Variants in SLC35D4 observed in about 807,000 individuals in gnomAD.
SLC35D4 encodes the protein solute carrier family 35 member D4.
At chr18:23,437,457 C>T in the SLC35D4 span, among the ~76,000 whole-genome samples, 6 of 152,024 alleles carry the variant, frequency 3.9e-5, no homozygotes, top group Non-Finnish European at 7.4e-5. Context: ...CTCTTCCTCC[C>T]CGGGGGAGCA....
At chr18:23,329,929 T>A in the SLC35D4 span, among the ~76,000 whole-genome samples, 1 of 152,110 alleles carries the variant, frequency 6.6e-6, no homozygotes, top group African/African-American at 2.4e-5. Context: ...CTGGAAACCA[T>A]CAATCTGAGC....
At chr18:23,387,131 C>T in the SLC35D4 span, among the ~76,000 whole-genome samples, 3 of 152,082 alleles carry the variant, frequency 2.0e-5, no homozygotes, top group South Asian at 2.1e-4. Context: ...AGGCTGGTCT[C>T]GAACTCCTGG....
At chr18:23,261,952 C>T in the SLC35D4 span, among the ~76,000 whole-genome samples, 8 of 152,148 alleles carry the variant, frequency 5.3e-5, no homozygotes, top group African/African-American at 1.2e-4. Context: ...ACTAAGAGCA[C>T]GGCCCAAGGA....
chr18:23,385,601 G>C, the SLC35D4 span, among the ~76,000 whole-genome samples: 3 of 152,234 alleles, frequency 2.0e-5, no homozygotes, highest in Non-Finnish European at 4.4e-5. Flanking sequence ...CGGGGAATGG[G>C]AAGAAGTGGG....
At chr18:23,274,023 C>T in the SLC35D4 span, among the ~76,000 whole-genome samples, 23 of 152,280 alleles carry the variant, frequency 1.5e-4, no homozygotes, top group South Asian at 4.6e-3. Flanking sequence ...GCCTCAACCT[C>T]CTCAGCTCAA....
At chr18:23,287,305 T>C in the SLC35D4 span, among the ~76,000 whole-genome samples, 7 of 151,420 alleles carry the variant, frequency 4.6e-5, no homozygotes, top group South Asian at 6.3e-4. Context: ...ATCTCAAACA[T>C]GCTTTCTTTA....
the SLC35D4 span, among the ~76,000 whole-genome samples, chr18:23,307,743 G>A: frequency 1.3e-5 from 2 of 152,200 alleles, no homozygotes; most frequent in African/African-American, 4.8e-5. Context: ...GGCTCTGAGG[G>A]CTATGGGGCA....
chr18:23,274,473 T>C, the SLC35D4 span, among the ~76,000 whole-genome samples: 1 of 152,256 alleles, frequency 6.6e-6, no homozygotes, highest in Non-Finnish European at 1.5e-5. Flanking sequence ...ATGTACTGCC[T>C]GGTGCCCCAC....
chr18:23,365,689 T>A, the SLC35D4 span: 1 of 1,612,606 alleles, frequency 6.2e-7, no homozygotes. Flanking sequence ...GACAGCAAAG[T>A]AGTCAAGAAG....
At chr18:23,270,830 G>A in the SLC35D4 span, among the ~76,000 whole-genome samples, 6 of 152,320 alleles carry the variant, frequency 3.9e-5, no homozygotes, top group Admixed American at 6.5e-5. Flanking sequence ...CAAGATGAAC[G>A]CACTGGACAG....
chr18:23,368,879 G>A, the SLC35D4 span: 1 of 599,802 alleles, frequency 1.7e-6, no homozygotes, highest in Non-Finnish European at 2.8e-6. Context: ...CATAAATAGA[G>A]GGAAAAGTAT....
chr18:23,321,831 TA>T, the SLC35D4 span, among the ~76,000 whole-genome samples: 1 of 152,172 alleles, frequency 6.6e-6, no homozygotes, highest in East Asian at 1.9e-4. Context: ...TTAATTAGCT[TA>T]AAAAAATCAT....
chr18:23,257,647 C>T, the SLC35D4 span: 1 of 318,090 alleles, frequency 3.1e-6, no homozygotes. Context: ...CCTAGCTGCC[C>T]CAGCCCAGTC....
At chr18:23,261,402 G>A in the SLC35D4 span, among the ~76,000 whole-genome samples, 2 of 151,886 alleles carry the variant, frequency 1.3e-5, no homozygotes, top group Admixed American at 6.6e-5. Context: ...CTGGGAGGCC[G>A]AGGTGGGTGG....
chr18:23,352,870 C>T, the SLC35D4 span, among the ~76,000 whole-genome samples: 13 of 152,298 alleles, frequency 8.5e-5, no homozygotes, highest in Admixed American at 3.3e-4. Flanking sequence ...GATCCCCACT[C>T]GAGAACCTGA....
chr18:23,325,829 C>G, the SLC35D4 span, among the ~76,000 whole-genome samples: 1 of 150,006 alleles, frequency 6.7e-6, no homozygotes, highest in African/African-American at 2.4e-5. Context: ...CTGGCAAGGG[C>G]CCCCCCACCC....
the SLC35D4 span, among the ~76,000 whole-genome samples, chr18:23,429,058 T>G: frequency 6.6e-6 from 1 of 152,266 alleles, no homozygotes; most frequent in African/African-American, 2.4e-5. Flanking sequence ...CCATGGTATA[T>G]ATATACACCA....
At chr18:23,327,249 A>G in the SLC35D4 span, among the ~76,000 whole-genome samples, 3 of 152,218 alleles carry the variant, frequency 2.0e-5, no homozygotes, top group African/African-American at 7.2e-5. Context: ...AAAAAAATCA[A>G]TGAATCCAGG....
At chr18:23,384,934 A>G in the SLC35D4 span, 3 of 1,517,400 alleles carry the variant, frequency 2.0e-6, no homozygotes, top group East Asian at 2.3e-5. Context: ...AAAGAAGAGT[A>G]CTTCTTTGAA....
Sources: gnomAD v4.1 joint callset for allele counts (sites outside exome capture counted in the v4.1 genomes callset) on GRCh38, gnomAD v4.1.1 for gene constraint, MANE v1.5 for transcripts, NCBI Gene and HGNC (gene_info 2026-07-23, HGNC 2026-07-21) for gene names.